KIAA1210: variants seen among roughly 807,000 people sequenced by gnomAD.
The protein encoded by KIAA1210 is KIAA1210.
KIAA1210 carries 48 observed loss-of-function variants against 78.9 expected under a neutral mutation model. The ratio of observed to expected loss-of-function variants is 0.61; its 90% CI spans 0.48 to 0.77. The LOEUF (loss-of-function observed/expected upper bound fraction) is 0.77. Among genes scored for constraint, KIAA1210 ranks in the 30% least tolerant of loss-of-function variants. The probability of loss-of-function intolerance (pLI) is 0.00; values close to 1 mark genes in which losing one functional copy is unlikely to be tolerated. For missense variants in KIAA1210, 1,108 were observed against 1,100.0 expected (o/e 1.01, Z -0.10); for synonymous variants, 406 against 404.5 (o/e 1.00, Z -0.04).
intron 2 of KIAA1210, among the ~76,000 whole-genome samples, chrX:119,137,426 C>A (rs1204479593): frequency 8.9e-6 from 1 of 112,653 alleles, no homozygotes; most frequent in South Asian, 3.7e-4. Flanking sequence ...TTACAAAGCC[C>A]GCGTCCTGAA....
At chrX:119,083,847 G>T (rs1927040821) in intron 10 of KIAA1210, among the ~76,000 whole-genome samples, 1 of 108,055 alleles carries the variant, frequency 9.3e-6, no homozygotes, top group Admixed American at 1.0e-4. Context: ...AATTACCTGG[G>T]CATGGTGGCG....
chrX:119,089,228 A>C lies in KIAA1210; in HGVS notation c.1474T>G (p.Ser492Ala), dbSNP rs981229763. The C allele has an allele frequency of 3.3e-6, 4 of 1,209,817 alleles. No homozygotes were observed. In the African/African-American group the frequency reaches 7.0e-5, roughly 21 times the overall value. ...AGGCTTTCCACCATCAGTGAGAGAGAAGCTCTGGCTTCTGTCTTCTCAGCT... is the reference window on the plus strand; with the variant it reads ...AGGCTTTCCACCATCAGTGAGAGAGCAGCTCTGGCTTCTGTCTTCTCAGCT... ...SGAEKTEARA[S>A]LSLMVESLST... The change falls in exon 9 of 12, where the codon TCT (serine) becomes GCT (alanine). Residue 492 changes from serine to alanine, a missense_variant. By Grantham distance (99) the Ser-to-Ala change is moderately conservative (BLOSUM62 1). Around this residue, in one of 5 missense-constraint regions of KIAA1210, gnomAD observed 672 missense variants for 607.1 expected, o/e 1.11. Transcript: ENST00000691062.
intron 6 of KIAA1210, among the ~76,000 whole-genome samples, chrX:119,104,449 A>G (rs1189186413): frequency 8.9e-6 from 1 of 112,167 alleles, no homozygotes; most frequent in African/African-American, 3.2e-5. Context: ...TCTAAACTCT[A>G]CCTCACTCTC....
At chrX:119,146,782 T>C (rs1285192201) in intron 2 of KIAA1210, among the ~76,000 whole-genome samples, 1 of 110,975 alleles carries the variant, frequency 9.0e-6, no homozygotes, top group Non-Finnish European at 1.9e-5. Flanking sequence ...CCTATCGCTC[T>C]CATGAATGAA....
At chrX:119,142,285 G>A (rs190002233) in intron 2 of KIAA1210, among the ~76,000 whole-genome samples, 6 of 112,348 alleles carry the variant, frequency 5.3e-5, no homozygotes, top group Admixed American at 1.9e-4. Context: ...CAGACAGCTT[G>A]GTGAACTAAC....
intron 11 of KIAA1210, among the ~76,000 whole-genome samples, chrX:119,082,379 C>T (rs144259719): frequency 4.7e-3 from 530 of 111,715 alleles, no homozygotes; most frequent in Non-Finnish European, 8.1e-3. Flanking sequence ...TCTTCATGAG[C>T]GGGATTAAGG....
At chrX:119,092,372 C>T in intron 8 of KIAA1210, among the ~76,000 whole-genome samples, 1 of 112,202 alleles carries the variant, frequency 8.9e-6, no homozygotes, top group East Asian at 2.8e-4. Context: ...ATGCTCCAAA[C>T]CACTTCCATG....
chrX:119,105,750 A>G (rs1927873864), intron 5 of KIAA1210, among the ~76,000 whole-genome samples: 1 of 112,109 alleles, frequency 8.9e-6, no homozygotes, highest in African/African-American at 3.2e-5. Flanking sequence ...GGTTTCCTAA[A>G]GGGACAAAAA....
chrX:119,136,179 A>G (rs937229906), intron 2 of KIAA1210, among the ~76,000 whole-genome samples: 2 of 112,340 alleles, frequency 1.8e-5, no homozygotes, highest in Non-Finnish European at 1.9e-5. Flanking sequence ...AAAAGCCGTC[A>G]AGGAGTGGAG....
intron 4 of KIAA1210, among the ~76,000 whole-genome samples, chrX:119,108,850 A>C (rs1181259396): frequency 9.0e-6 from 1 of 110,588 alleles, no homozygotes; most frequent in African/African-American, 3.3e-5. Flanking sequence ...CTCAAAAAAA[A>C]AAAAAAAGAA....
At position 119,090,576 on chromosome X, in the gene KIAA1210, C is replaced by CTT. The variant is rs113384488; in HGVS notation, c.956-832_956-831dup. ...TGAGCCACCGTGCTTGGCCATGTTG[C>CTT]TTTTTTTTTTTTAAGAAGGGGTCAA... On this transcript the variant is annotated intron_variant, in intron 8 of 11. Coordinates refer to ENST00000691062, the MANE Select transcript of KIAA1210 (RefSeq NM_001394962.1). Among the ~76,000 whole-genome samples, 165 of 101,298 alleles carry CTT rather than the reference C, an allele frequency of 1.6e-3. 1 individual carries two copies. The highest frequency in any genetic ancestry group is 5.5e-3 in the African/African-American group (154 of 27,920). The allele number at this position is 101,298 out of a possible 115,157, so 88.0% of individuals were successfully genotyped here. A position where few individuals can be genotyped will look rare whatever the true frequency, so the allele number is the denominator to read the frequency against.
At chrX:119,119,752 G>A (rs1164598407) in intron 2 of KIAA1210, among the ~76,000 whole-genome samples, 5 of 110,803 alleles carry the variant, frequency 4.5e-5, no homozygotes, top group Admixed American at 1.9e-4. Context: ...CGAGGCGGGC[G>A]GATCACGAGG....
intron 6 of KIAA1210, 94 bp downstream of exon 6, chrX:119,104,898 A>C (rs1346690645): frequency 5.3e-5 from 44 of 825,082 alleles, no homozygotes; most frequent in Non-Finnish European, 7.4e-5. Flanking sequence ...TCATCCCCCT[A>C]GTGTTGAGCT....
In KIAA1210 at chrX:119,087,676, T is replaced by C; in HGVS notation, c.3026A>G (p.Lys1009Arg). The change falls in exon 9 of 12, where the codon AAA becomes AGA. Residue 1009 changes from lysine to arginine, a missense_variant. Coordinates refer to ENST00000691062, the MANE Select transcript of KIAA1210 (RefSeq NM_001394962.1). ...GGTCGGACGCCTGGGAATCGGTGAT[T>C]TGTTAGAAGTGCCTTCAACAGCCAT... ...EKMAVEGTSN[K>R]SPIPRRPTQS... 1 of 1,211,548 alleles carries C rather than the reference T, an allele frequency of 8.3e-7. No individual in the cohort carries two copies. The highest frequency in any genetic ancestry group is 1.1e-6 in the Non-Finnish European group (1 of 895,433).
Position 119,087,730 on chromosome X carries a change from A to G in KIAA1210, c.2972T>C (p.Val991Ala). ...YATQFLKRSK[V>A]QEMTSRLEKM... ...CTCTAGTCGTGAGGTCATTTCCTGA[A>G]CTTTAGACCTCTTTAAGAACTGGGT... The change falls in exon 9 of 12, where the codon GTT becomes GCT. Residue 991 changes from valine to alanine, a missense_variant. Physicochemically the swap from Val to Ala is moderately conservative, Grantham distance 64 (BLOSUM62 0). Transcript: ENST00000691062. 1.7e-6 allele frequency: 2 copies of G among 1,211,442 alleles called. No homozygotes were observed. The highest frequency in any genetic ancestry group is 2.2e-6 in the Non-Finnish European group (2 of 895,303).
intron 6 of KIAA1210, among the ~76,000 whole-genome samples, chrX:119,098,245 G>C (rs965132482): frequency 1.1e-4 from 12 of 111,820 alleles, no homozygotes; most frequent in African/African-American, 3.9e-4. Context: ...CCCTCTGCTA[G>C]GCATGCTCTT....
At chrX:119,138,343 C>A (rs764770441) in intron 2 of KIAA1210, among the ~76,000 whole-genome samples, 1 of 107,763 alleles carries the variant, frequency 9.3e-6, no homozygotes, top group African/African-American at 3.4e-5. Context: ...CTCAGCTTCC[C>A]GAGTAGCTGG....
In KIAA1210 at chrX:119,093,749, G is replaced by A. The variant is rs1209078188; in HGVS notation, c.873C>T (p.Asn291=). Residue 291 remains asparagine, a synonymous_variant, in exon 8 of 12, where the codon AAC becomes AAT. Transcript: ENST00000691062. The part of the protein sequence containing the change: ...VIVEPKEEEP[N]LPLVSEEEKS... ...TTTCTTCTTCAGAAACCAATGGAAGGTTTGGCTCCTCCTCCTTTGGTTCCA... is the reference window on the plus strand; with the variant it reads ...TTTCTTCTTCAGAAACCAATGGAAGATTTGGCTCCTCCTCCTTTGGTTCCA... 5 of 1,205,911 alleles carry A rather than the reference G, an allele frequency of 4.1e-6. No individual in the cohort carries two copies. Among genetic ancestry groups the A allele is most frequent in the Non-Finnish European group, 5.6e-6 (5 of 892,842 alleles).
rs200195707 is a variant in KIAA1210, at chrX:119,087,460, G to A, written c.3242C>T (p.Pro1081Leu). The change falls in exon 9 of 12, where the codon CCT (proline) becomes CTT (leucine). Residue 1081 changes from proline to leucine, a missense_variant. By Grantham distance (98) the Pro-to-Leu change is moderately conservative. This residue lies in a region of KIAA1210 where 179 missense variants were observed against 174.1 expected (regional missense o/e 1.03). Coordinates refer to ENST00000691062, the MANE Select transcript of KIAA1210 (RefSeq NM_001394962.1). ...CAAGGACTGTAAAGGGTGCTTCATA[G>A]GTAGCATCTTTGAAGAAATGCCTCC... ...PKGGISSKMLPMKHPLQSLGR... is the reference protein window; with the variant it reads ...PKGGISSKMLLMKHPLQSLGR... 1.7e-6 allele frequency: 2 copies of A among 1,209,943 alleles called. No individual in the cohort carries two copies. Among genetic ancestry groups the A allele is most frequent in the East Asian group, 5.9e-5 (2 of 33,828 alleles).
Sources: allele counts gnomAD v4.1 joint callset (sites outside exome capture counted in the v4.1 genomes callset), GRCh38; gene constraint gnomAD v4.1.1; regional missense constraint gnomAD v4.1.1; transcripts MANE v1.5; gene names NCBI Gene and HGNC (gene_info 2026-07-23, HGNC 2026-07-21).